Variants in OPRM1 observed in about 807,000 individuals in gnomAD.
OPRM1 encodes the protein mu-type opioid receptor.
Under a neutral mutation model 31.8 loss-of-function variants are expected in OPRM1, and 27 were observed. That is an observed-to-expected ratio of 0.85 (90% CI 0.63 to 1.17). The LOEUF is 1.17. Among genes scored for constraint, OPRM1 ranks in the 50% most tolerant of loss-of-function variants. The pLI is 0.00. For missense variants in OPRM1, 536 were observed against 511.1 expected (o/e 1.05, Z -0.47); for synonymous variants, 196 against 189.9 (o/e 1.03, Z -0.26).
intron 3 of OPRM1, among the ~76,000 whole-genome samples, chr6:154,179,833 C>T (rs1800678176): frequency 6.6e-6 from 1 of 152,198 alleles, no homozygotes; most frequent in South Asian, 2.1e-4. Context: ...TTCTAGACCA[C>T]TCCTCTCAAA....
chr6:154,245,348 G>A (rs1205728313), intron 3 of OPRM1, among the ~76,000 whole-genome samples: 1 of 152,050 alleles, frequency 6.6e-6, no homozygotes, highest in African/African-American at 2.4e-5. Flanking sequence ...TTTTCATGAG[G>A]TGAAGCTGGA....
At chr6:154,021,354 A>G (rs1414901396) in intron 1 of OPRM1, among the ~76,000 whole-genome samples, 1 of 152,112 alleles carries the variant, frequency 6.6e-6, no homozygotes, top group Non-Finnish European at 1.5e-5. Context: ...CACTGTCTTT[A>G]TTACTGTAGC....
chr6:154,212,670 T>C (rs1562544401), intron 3 of OPRM1: 2 of 752,570 alleles, frequency 2.7e-6, no homozygotes, highest in Admixed American at 5.2e-5. Flanking sequence ...ATTTAGCCCA[T>C]TCTAAAAATT....
chr6:154,144,647 C>T (rs1351475880), intron 3 of OPRM1, among the ~76,000 whole-genome samples: 3 of 147,680 alleles, frequency 2.0e-5, no homozygotes, highest in African/African-American at 7.5e-5. Context: ...ACTGGGGAGG[C>T]TGTAGCAGGA....
chr6:154,165,534 G>A lies in OPRM1; in HGVS notation c.1164+74062G>A, dbSNP rs1456151887. Among the ~76,000 whole-genome samples, 7 of 152,252 alleles carry A rather than the reference G, an allele frequency of 4.6e-5. No individual in the cohort carries two copies. In the South Asian group the frequency reaches 1.2e-3, roughly 27 times the overall value. Reference sequence around the variant, plus strand: ...AATAGGACTGCATGACATGGGTCCTGTTCTATTTCATCAGCCCCAAGCACT... The same window carrying A: ...AATAGGACTGCATGACATGGGTCCTATTCTATTTCATCAGCCCCAAGCACT... On this transcript the variant is annotated intron_variant, in intron 3 of 3. Transcript: ENST00000337049.
intron 1 of OPRM1, among the ~76,000 whole-genome samples, chr6:154,064,253 T>G (rs1400425317): frequency 3.3e-5 from 5 of 152,212 alleles, no homozygotes; most frequent in Non-Finnish European, 7.4e-5. Flanking sequence ...TTTCATATGC[T>G]TATTATCCAT....
At chr6:154,030,841 G>A (rs1412085575) in intron 1 of OPRM1, among the ~76,000 whole-genome samples, 1 of 152,122 alleles carries the variant, frequency 6.6e-6, no homozygotes, top group Non-Finnish European at 1.5e-5. Context: ...AAAGGATCGA[G>A]AGTGATAAAC....
chr6:154,240,730 G>A (rs1413602094), intron 3 of OPRM1, among the ~76,000 whole-genome samples: 1 of 152,164 alleles, frequency 6.6e-6, no homozygotes, highest in Non-Finnish European at 1.5e-5. Context: ...TTCACATGAA[G>A]TGTGCATGCA....
chr6:154,186,358 G>T (rs1374898732), intron 3 of OPRM1, among the ~76,000 whole-genome samples: 3 of 152,070 alleles, frequency 2.0e-5, no homozygotes, highest in Non-Finnish European at 2.9e-5. Flanking sequence ...CTTTCAAACC[G>T]CATGTCAGCA....
intron 1 of OPRM1, among the ~76,000 whole-genome samples, chr6:154,014,265 C>A (rs972941218): frequency 1.3e-5 from 2 of 152,084 alleles, no homozygotes; most frequent in Non-Finnish European, 2.9e-5. Flanking sequence ...TGAGGTGGGA[C>A]ACACATCTTG....
At chr6:154,182,252 T>C (rs771308275) in intron 3 of OPRM1, among the ~76,000 whole-genome samples, 7 of 152,216 alleles carry the variant, frequency 4.6e-5, no homozygotes, top group East Asian at 1.9e-4. Flanking sequence ...CAGAGTCATG[T>C]ACGTATCTTC....
rs894821278 is a variant in OPRM1 at position 154,125,390 on chromosome 6, T to C, written c.*6669T>C. On this transcript the variant is annotated 3_prime_UTR_variant, in exon 4 of 4. Coordinates refer to ENST00000330432, the MANE Select transcript of OPRM1 (RefSeq NM_000914.5). ...CATAAAACCTAAACCTCTGAAGCAA[T>C]AAACCTCTTCCATTACACAGGTTTA... 6.6e-6 allele frequency among the ~76,000 whole-genome samples: 1 copy of C among 152,214 alleles called. No homozygotes were observed. Among genetic ancestry groups the C allele is most frequent in the African/African-American group, 2.4e-5 (1 of 41,458 alleles).
rs188380919 is a variant in OPRM1 at position 154,153,137 on chromosome 6, G to A, written c.1164+61665G>A. Among the ~76,000 whole-genome samples, 18 of 152,184 alleles carry A rather than the reference G, an allele frequency of 1.2e-4. No homozygotes were observed. In the South Asian group the frequency reaches 2.1e-3, roughly 18 times the overall value. On this transcript the variant is annotated intron_variant, in intron 3 of 3. Coordinates refer to the OPRM1 transcript ENST00000337049. ...TACCTTGAAGTCAAATTCAAGTTACGGGGTGTGAAAAAGGACTTTCATGCT... is the reference window on the plus strand; with the variant it reads ...TACCTTGAAGTCAAATTCAAGTTACAGGGTGTGAAAAAGGACTTTCATGCT...
chr6:154,073,291 C>T (rs756041621), intron 1 of OPRM1, among the ~76,000 whole-genome samples: 1 of 152,106 alleles, frequency 6.6e-6, no homozygotes, highest in Non-Finnish European at 1.5e-5. Flanking sequence ...ATCTTCCAGG[C>T]TAGACATAAG....
intron 3 of OPRM1, among the ~76,000 whole-genome samples, chr6:154,184,241 T>G (rs1234574982): frequency 6.6e-6 from 1 of 152,098 alleles, no homozygotes; most frequent in Non-Finnish European, 1.5e-5. Flanking sequence ...GTAATAGCAC[T>G]GGCATATAAA....
chr6:154,010,620 T>TA, exon 1 of OPRM1: 1 of 1,513,160 alleles, frequency 6.6e-7, no homozygotes. Context: ...CACAATATTG[T>TA]ATGCCTGCAC....
At chr6:154,213,971 G>C (rs991880800) in intron 3 of OPRM1, among the ~76,000 whole-genome samples, 1 of 152,240 alleles carries the variant, frequency 6.6e-6, no homozygotes, top group East Asian at 1.9e-4. Context: ...GAGATGTCAT[G>C]AAGCCCACAG....
chr6:154,110,622 C>T (rs893610711), intron 3 of OPRM1, among the ~76,000 whole-genome samples: 1 of 152,038 alleles, frequency 6.6e-6, no homozygotes, highest in African/African-American at 2.4e-5. Flanking sequence ...GGCACGGTGG[C>T]TCAAGCCTGT....
chr6:154,096,162 T>G (rs1345819231), intron 3 of OPRM1, among the ~76,000 whole-genome samples: 1 of 152,212 alleles, frequency 6.6e-6, no homozygotes, highest in Non-Finnish European at 1.5e-5. Context: ...GTTCAAACGA[T>G]TCTCCTGCCT....
Sources: allele counts gnomAD v4.1 joint callset (sites outside exome capture counted in the v4.1 genomes callset), GRCh38; gene constraint gnomAD v4.1.1; transcripts MANE v1.5; gene names NCBI Gene and HGNC (gene_info 2026-07-23, HGNC 2026-07-21).